Variants in RGS7 observed in about 807,000 individuals in gnomAD.
The protein encoded by RGS7 is regulator of G-protein signaling 7.
A neutral mutation model predicts 81.1 loss-of-function variants in RGS7; 27 were observed. That is an observed-to-expected ratio of 0.33 (90% CI 0.25 to 0.46). The LOEUF is 0.46. Among genes scored for constraint, RGS7 ranks in the 20% least tolerant of loss-of-function variants. The probability of loss-of-function intolerance (pLI) is 1.00; values close to 1 mark genes in which losing one functional copy is unlikely to be tolerated. For missense variants in RGS7, 396 were observed against 607.4 expected, an observed-to-expected ratio of 0.65 and a Z score of 3.66; for synonymous variants, 208 against 207.7, an observed-to-expected ratio of 1.00 and a Z score of -0.01.
chr1:241,264,268 T>C (rs906893965), intron 2 of RGS7, among the ~76,000 whole-genome samples: 1 of 152,044 alleles, frequency 6.6e-6, no homozygotes, highest in Non-Finnish European at 1.5e-5. Context: ...GAGGCCAAGG[T>C]GGGCAGATAA....
At chr1:240,894,945 T>G (rs1000481929) in intron 6 of RGS7, among the ~76,000 whole-genome samples, 1 of 152,192 alleles carries the variant, frequency 6.6e-6, no homozygotes, top group Non-Finnish European at 1.5e-5. Context: ...CCAAATTTCA[T>G]GTTGAATTGT....
intron 3 of RGS7, among the ~76,000 whole-genome samples, chr1:240,991,677 T>G (rs530770053): frequency 1.3e-5 from 2 of 152,354 alleles, no homozygotes; most frequent in Non-Finnish European, 2.9e-5. Flanking sequence ...TTTTTATGTT[T>G]TAGTTCTATG....
At chr1:240,918,342 C>T (rs1407814700) in intron 6 of RGS7, among the ~76,000 whole-genome samples, 2 of 152,142 alleles carry the variant, frequency 1.3e-5, no homozygotes, top group Non-Finnish European at 2.9e-5. Context: ...AGATAGACCA[C>T]ATTCTAGGTC....
intron 6 of RGS7, among the ~76,000 whole-genome samples, chr1:240,880,689 A>G (rs893007049): frequency 6.6e-6 from 1 of 152,158 alleles, no homozygotes; most frequent in African/African-American, 2.4e-5. Flanking sequence ...ACTTATTTCC[A>G]GCCCTCATGC....
At chr1:240,827,940 T>C (rs1693171921) in intron 9 of RGS7, among the ~76,000 whole-genome samples, 1 of 146,374 alleles carries the variant, frequency 6.8e-6, no homozygotes, top group Admixed American at 6.9e-5. Flanking sequence ...AAGACTAAAA[T>C]GGCATTTAGT....
At chr1:241,087,216 C>T (rs1292838863) in intron 3 of RGS7, among the ~76,000 whole-genome samples, 1 of 152,132 alleles carries the variant, frequency 6.6e-6, no homozygotes, top group Non-Finnish European at 1.5e-5. Flanking sequence ...TTCAGATACC[C>T]ACTTCAAAGA....
intron 18 of RGS7, among the ~76,000 whole-genome samples, chr1:240,793,611 AT>A (rs1205854418): frequency 1.2e-3 from 93 of 78,814 alleles, no homozygotes; most frequent in African/African-American, 3.9e-3. Context: ...ATATATATAT[AT>A]TTTTTTTTTT....
intron 6 of RGS7, among the ~76,000 whole-genome samples, chr1:240,899,716 C>T (rs930147438): frequency 2.0e-5 from 3 of 152,156 alleles, no homozygotes; most frequent in African/African-American, 7.2e-5. Context: ...CTGCCCTTAA[C>T]ATTTTTTTCC....
At chr1:241,149,920 T>C (rs2068627956) in intron 2 of RGS7, among the ~76,000 whole-genome samples, 1 of 152,094 alleles carries the variant, frequency 6.6e-6, no homozygotes, top group Non-Finnish European at 1.5e-5. Flanking sequence ...GGATTACGGG[T>C]GTGTGCCACC....
intron 3 of RGS7, among the ~76,000 whole-genome samples, chr1:241,005,057 A>AG (rs2058613096): frequency 1.3e-5 from 2 of 152,254 alleles, no homozygotes; most frequent in South Asian, 4.1e-4. Flanking sequence ...CACATACATG[A>AG]GGTGCCCAAC....
intron 6 of RGS7, among the ~76,000 whole-genome samples, chr1:240,910,331 A>T (rs1402171033): frequency 6.6e-6 from 1 of 152,238 alleles, no homozygotes; most frequent in Non-Finnish European, 1.5e-5. Flanking sequence ...GAAATAAGCC[A>T]GAAACAGAAA....
At chr1:241,355,564 T>C (rs1390770894) in intron 2 of RGS7, 135 bp downstream of exon 2, 1 of 804,080 alleles carries the variant, frequency 1.2e-6, no homozygotes, top group Admixed American at 1.8e-5. Context: ...CACTTTCACG[T>C]ATATAGTACA....
At chr1:240,843,959 G>A (rs12046405) in intron 9 of RGS7, among the ~76,000 whole-genome samples, 102,269 of 151,652 alleles carry the variant, frequency 0.67, 34,903 homozygotes, top group Middle Eastern at 0.77. Context: ...TGCTGGTCCC[G>A]TCAGGGTTCT....
At chr1:240,939,249 A>G (rs1677149271) in intron 4 of RGS7, among the ~76,000 whole-genome samples, 2 of 147,242 alleles carry the variant, frequency 1.4e-5, no homozygotes, top group Admixed American at 6.6e-5. Flanking sequence ...GGTTGAGTGA[A>G]TATTTCCAAC....
intron 2 of RGS7, among the ~76,000 whole-genome samples, chr1:241,250,201 A>G (rs1476070090): frequency 1.2e-4 from 18 of 152,206 alleles, no homozygotes; most frequent in Non-Finnish European, 1.5e-5. Context: ...TATTCTATAC[A>G]GCATATATGT....
At chr1:241,004,989 C>A (rs2058609213) in intron 3 of RGS7, among the ~76,000 whole-genome samples, 1 of 152,084 alleles carries the variant, frequency 6.6e-6, no homozygotes, top group Admixed American at 6.5e-5. Context: ...ATTCTTAGTC[C>A]CAACAATTCC....
intron 2 of RGS7, among the ~76,000 whole-genome samples, chr1:241,339,362 T>C (rs980653534): frequency 1.3e-5 from 2 of 152,352 alleles, no homozygotes; most frequent in East Asian, 1.9e-4. Flanking sequence ...ATTCAATAAA[T>C]GTTTGCTACA....
At chr1:241,074,244 T>C (rs1185693825) in intron 3 of RGS7, among the ~76,000 whole-genome samples, 1 of 152,202 alleles carries the variant, frequency 6.6e-6, no homozygotes, top group Non-Finnish European at 1.5e-5. Context: ...GTGCTTTGTT[T>C]TGGTTTATGC....
chr1:241,228,927 C>G (rs2075484607), intron 2 of RGS7, among the ~76,000 whole-genome samples: 1 of 151,916 alleles, frequency 6.6e-6, no homozygotes, highest in African/African-American at 2.4e-5. Context: ...ACGTTAATTA[C>G]CTGGTTTTGA....
Sources: gnomAD v4.1 joint callset for allele counts (sites outside exome capture counted in the v4.1 genomes callset) on GRCh38, gnomAD v4.1.1 for gene constraint, MANE v1.5 for transcripts, NCBI Gene and HGNC (gene_info 2026-07-23, HGNC 2026-07-21) for gene names.